The following TUSC3 variants were observed in gnomAD, a reference collection of about 807,000 sequenced individuals.
TUSC3 encodes dolichyl-diphosphooligosaccharide--protein glycosyltransferase subunit TUSC3.
TUSC3 carries 45 observed loss-of-function variants against 44.8 expected under a neutral mutation model. The observed-to-expected ratio is 1.00, with a 90% CI of 0.79 to 1.29. The LOEUF (loss-of-function observed/expected upper bound fraction) is 1.29. TUSC3 is among the 50% of genes most tolerant of loss of function. TUSC3 has a pLI of 0.00. For missense variants in TUSC3, 519 were observed against 437.9 expected, an observed-to-expected ratio of 1.19 and a Z score of -1.65; for synonymous variants, 212 against 152.9, an observed-to-expected ratio of 1.39 and a Z score of -2.85.
chr8:15,779,186 C>T, the TUSC3 span, among the ~76,000 whole-genome samples: 4 of 150,206 alleles, frequency 2.7e-5, no homozygotes, highest in Non-Finnish European at 4.4e-5. Context: ...ATACTGTCGC[C>T]AGTAGTATCG....
the TUSC3 span, among the ~76,000 whole-genome samples, chr8:15,850,501 A>C: frequency 6.6e-6 from 1 of 152,158 alleles, no homozygotes; most frequent in African/African-American, 2.4e-5. Flanking sequence ...TTGCTGAAAT[A>C]CTGTTTTGAT....
At chr8:15,632,217 G>A (rs930906738) in intron 2 of TUSC3, among the ~76,000 whole-genome samples, 1 of 151,842 alleles carries the variant, frequency 6.6e-6, no homozygotes, top group Non-Finnish European at 1.5e-5. Flanking sequence ...AATCTATAAC[G>A]TTTCCACACT....
At chr8:15,726,737 C>G (rs1284927918) in intron 6 of TUSC3, among the ~76,000 whole-genome samples, 1 of 152,054 alleles carries the variant, frequency 6.6e-6, no homozygotes, top group Non-Finnish European at 1.5e-5. Context: ...ACCCAGGAGG[C>G]GGAGGTTGCA....
intron 2 of TUSC3, among the ~76,000 whole-genome samples, chr8:15,638,294 A>G (rs1806185288): frequency 1.3e-5 from 2 of 151,818 alleles, no homozygotes; most frequent in Admixed American, 6.6e-5. Context: ...ATTTACATTT[A>G]TATTCTGTAG....
chr8:15,681,392 C>G (rs1277684036), intron 6 of TUSC3, among the ~76,000 whole-genome samples: 2 of 151,798 alleles, frequency 1.3e-5, no homozygotes, highest in East Asian at 3.9e-4. Context: ...CTTCCTGATT[C>G]AGTCTTGGAA....
chr8:15,539,091 C>T (rs1468720018), upstream of TUSC3, among the ~76,000 whole-genome samples: 1 of 151,894 alleles, frequency 6.6e-6, no homozygotes, highest in Admixed American at 6.6e-5. Flanking sequence ...GGACACAAGC[C>T]TCCTGCATAG....
At chr8:15,624,396 G>A (rs942632779) in intron 2 of TUSC3, among the ~76,000 whole-genome samples, 2 of 152,132 alleles carry the variant, frequency 1.3e-5, no homozygotes, top group African/African-American at 4.8e-5. Flanking sequence ...CAGCCAAAAT[G>A]TTTTCTAGAA....
chr8:15,651,409 T>C (rs1806898020), intron 3 of TUSC3, among the ~76,000 whole-genome samples: 1 of 152,132 alleles, frequency 6.6e-6, no homozygotes, highest in Non-Finnish European at 1.5e-5. Flanking sequence ...ATGGACTGAA[T>C]TGTATTTCCC....
At chr8:15,685,084 A>G (rs559622926) in intron 6 of TUSC3, among the ~76,000 whole-genome samples, 1 of 152,300 alleles carries the variant, frequency 6.6e-6, no homozygotes, top group African/African-American at 2.4e-5. Flanking sequence ...ACCTTTGGTC[A>G]CATTTTGCTG....
intron 1 of TUSC3, among the ~76,000 whole-genome samples, chr8:15,597,842 G>A (rs1804133885): frequency 6.6e-6 from 1 of 151,910 alleles, no homozygotes; most frequent in African/African-American, 2.4e-5. Flanking sequence ...ACATTTTTAA[G>A]GCATTTGGAA....
At chr8:15,656,250 C>T (rs932697204) in intron 3 of TUSC3, among the ~76,000 whole-genome samples, 4 of 152,062 alleles carry the variant, frequency 2.6e-5, no homozygotes, top group African/African-American at 9.7e-5. Context: ...CTAGTACCAA[C>T]TCAAAATTCC....
At chr8:15,457,862 A>G (rs1800280236) in intron 1 of TUSC3, among the ~76,000 whole-genome samples, 1 of 53,084 alleles carries the variant, frequency 1.9e-5, no homozygotes, top group African/African-American at 5.8e-5. Context: ...ATAATTATCT[A>G]ATAAATTAAT....
chr8:15,801,172 C>A, the TUSC3 span, among the ~76,000 whole-genome samples: 2 of 152,184 alleles, frequency 1.3e-5, no homozygotes, highest in Admixed American at 1.3e-4. Flanking sequence ...ATGGTTATTT[C>A]TTGATTATAT....
the TUSC3 span, among the ~76,000 whole-genome samples, chr8:15,825,532 A>C: frequency 6.6e-6 from 1 of 152,114 alleles, no homozygotes; most frequent in Non-Finnish European, 1.5e-5. Flanking sequence ...TGGGAGCTAC[A>C]ATTTGTGATG....
At chr8:15,443,825 T>C (rs1040807682) in intron 1 of TUSC3, among the ~76,000 whole-genome samples, 2 of 152,096 alleles carry the variant, frequency 1.3e-5, no homozygotes, top group Non-Finnish European at 2.9e-5. Context: ...GACCCTGCAG[T>C]TGATGGATTA....
chr8:15,801,791 C>T, the TUSC3 span, among the ~76,000 whole-genome samples: 1 of 152,104 alleles, frequency 6.6e-6, no homozygotes, highest in Non-Finnish European at 1.5e-5. Context: ...TGAGTTTTCT[C>T]TCATTTGGAT....
chr8:15,736,136 C>T (rs1157728370), intron 7 of TUSC3, among the ~76,000 whole-genome samples: 2 of 152,120 alleles, frequency 1.3e-5, no homozygotes, highest in African/African-American at 4.8e-5. Context: ...CACATACACG[C>T]AGGTGCATGT....
chr8:15,638,807 T>G (rs1267072914), intron 2 of TUSC3, among the ~76,000 whole-genome samples: 1 of 152,202 alleles, frequency 6.6e-6, no homozygotes. Context: ...ATTACAGGCT[T>G]GAGCCACTGT....
At chr8:15,750,230 C>G in intron 9 of TUSC3, among the ~76,000 whole-genome samples, 1 of 152,138 alleles carries the variant, frequency 6.6e-6, no homozygotes, top group South Asian at 2.1e-4. Context: ...CCACCCACCT[C>G]GGCCTCCCAA....
Sources: allele counts gnomAD v4.1 joint callset (sites outside exome capture counted in the v4.1 genomes callset), GRCh38; gene constraint gnomAD v4.1.1; transcripts MANE v1.5; gene names NCBI Gene and HGNC (gene_info 2026-07-23, HGNC 2026-07-21).